The following ASB15 variants were observed in gnomAD, a reference collection of about 807,000 sequenced individuals.
The protein encoded by ASB15 is ankyrin repeat and SOCS box protein 15.
In ASB15, 54 loss-of-function variants were observed where a neutral mutation model predicts 58.0. That is an observed-to-expected ratio of 0.93 (90% CI 0.75 to 1.17). The LOEUF (loss-of-function observed/expected upper bound fraction) is 1.17. Among genes scored for constraint, ASB15 ranks in the 50% most tolerant of loss-of-function variants. The pLI, the probability that ASB15 is intolerant of heterozygous loss-of-function variation, is 0.00. For synonymous variants in ASB15, 249 were observed against 262.4 expected (o/e 0.95, Z 0.50); for missense variants, 680 against 707.4 (o/e 0.96, Z 0.44).
Position 123,637,340 on chromosome 7 carries a change from C to G in ASB15, c.*359C>G, listed in dbSNP as rs1385843153. ...GCCAGATTCTCCTGTCTTTCACGGT[C>G]TTGCTGTGTAAAAGAGCTCCTCCTG... is the stretch of plus-strand genomic sequence containing the variant. On this transcript the variant is annotated 3_prime_UTR_variant, in exon 12 of 12. Transcript: ENST00000451215. The G allele has an allele frequency of 6.1e-6, 1 of 164,532 alleles. No homozygotes were observed. The highest frequency in any genetic ancestry group is 2.4e-5 in the African/African-American group (1 of 41,574). 10.2% of individuals were successfully genotyped at this position (164,532 alleles called of 1,614,324 possible). A position where few individuals can be genotyped will look rare whatever the true frequency, so the allele number is the denominator to read the frequency against.
chr7:123,637,033 A>T lies in ASB15; in HGVS notation c.*52A>T. 1 of 1,276,944 alleles carries T rather than the reference A, an allele frequency of 7.8e-7. No individual in the cohort carries two copies. The highest frequency in any genetic ancestry group is 1.1e-6 in the Non-Finnish European group (1 of 915,076). The allele number at this position is 1,276,944 out of a possible 1,614,324, so 79.1% of individuals were successfully genotyped here. A position where few individuals can be genotyped will look rare whatever the true frequency, so the allele number is the denominator to read the frequency against. On this transcript the variant is annotated 3_prime_UTR_variant, in exon 12 of 12. Transcript: ENST00000451215. Reference sequence around the variant, plus strand: ...AAAAATGTTGAAATGTGATTCCCTCAGATAATTTCTTGTAACCATTTTACA... The same window carrying T: ...AAAAATGTTGAAATGTGATTCCCTCTGATAATTTCTTGTAACCATTTTACA...
chr7:123,638,766 C>T lies in ASB15; in HGVS notation c.*1785C>T, dbSNP rs138140771. On this transcript the variant is annotated 3_prime_UTR_variant, in exon 12 of 12. Transcript: ENST00000451215. ...TTTCACCTGATCAACTCCCACTTACCCTATAGGTCTCAGCTGAGATGTTGC... is the reference window on the plus strand; with the variant it reads ...TTTCACCTGATCAACTCCCACTTACTCTATAGGTCTCAGCTGAGATGTTGC... 5.6e-4 allele frequency: 85 copies of T among 152,248 alleles called. No individual in the cohort carries two copies. Among genetic ancestry groups the T allele is most frequent in the African/African-American group, 1.8e-3 (75 of 41,540 alleles). The allele number at this position is 152,248 out of a possible 1,614,324, so 9.4% of individuals were successfully genotyped here. A position where few individuals can be genotyped will look rare whatever the true frequency, so the allele number is the denominator to read the frequency against.
chr7:123,574,511 G>A (rs1321498944), intron 1 of ASB15, among the ~76,000 whole-genome samples: 5 of 152,116 alleles, frequency 3.3e-5, no homozygotes, highest in Non-Finnish European at 5.9e-5. Context: ...TAATGATAGT[G>A]GGCTGTGAAC....
At chr7:123,567,361 A>G (rs1798791322) in intron 1 of ASB15, among the ~76,000 whole-genome samples, 2 of 152,194 alleles carry the variant, frequency 1.3e-5, no homozygotes, top group Admixed American at 1.3e-4. Flanking sequence ...AGTTCTGTAA[A>G]TAAGGTTAGT....
intron 1 of ASB15, among the ~76,000 whole-genome samples, chr7:123,570,029 CTTTTTT>C (rs5887142): frequency 1.8e-4 from 16 of 88,172 alleles, no homozygotes; most frequent in African/African-American, 4.5e-4. Flanking sequence ...ACTGCCATAG[CTTTTTT>C]TTTTTTTTTT....
chr7:123,633,737 A>T (rs974010669), intron 11 of ASB15, among the ~76,000 whole-genome samples: 1 of 152,192 alleles, frequency 6.6e-6, no homozygotes, highest in Admixed American at 6.5e-5. Context: ...TGGAAATGCC[A>T]TTTCCTAACA....
At chr7:123,590,643 T>C (rs1158872162) in intron 1 of ASB15, among the ~76,000 whole-genome samples, 1 of 152,148 alleles carries the variant, frequency 6.6e-6, no homozygotes, top group Non-Finnish European at 1.5e-5. Context: ...ATGTGTGGTG[T>C]TATTTCTGAG....
chr7:123,622,610 G>A (rs1388462343), intron 7 of ASB15: 1 of 152,092 alleles, frequency 6.6e-6, no homozygotes, highest in Non-Finnish European at 1.5e-5. Context: ...TGTTTTCTGA[G>A]TCAGACAAAA....
At chr7:123,584,040 T>C (rs1390122069) in intron 1 of ASB15, among the ~76,000 whole-genome samples, 1 of 151,968 alleles carries the variant, frequency 6.6e-6, no homozygotes, top group Non-Finnish European at 1.5e-5. Context: ...TCTCTATTTT[T>C]ATATGTGCAT....
At chr7:123,587,463 T>A (rs545432690) in intron 1 of ASB15, among the ~76,000 whole-genome samples, 2 of 151,794 alleles carry the variant, frequency 1.3e-5, no homozygotes, top group South Asian at 2.1e-4. Context: ...TGAGGTTTTT[T>A]TTTTATACAT....
In ASB15 at chr7:123,636,956, A is replaced by T. The variant is rs1802461020; in HGVS notation, c.1742A>T (p.Tyr581Phe). 1.9e-6 allele frequency: 3 copies of T among 1,558,380 alleles called. No homozygotes were observed. ...ATATTATTTAAAGAGTATGATCTCT[A>T]TGGACAAGAGCTAAAATTGACATAA... ...RYILFKEYDL[Y>F]GQELKLT Residue 581 changes from tyrosine (Y) to phenylalanine (F), a missense_variant, in exon 12 of 12, where the codon TAT becomes TTT. Coordinates refer to ENST00000451215, the MANE Select transcript of ASB15 (RefSeq NM_001290258.2).
At chr7:123,613,490 T>C (rs1253639304) in intron 3 of ASB15, among the ~76,000 whole-genome samples, 3 of 152,110 alleles carry the variant, frequency 2.0e-5, no homozygotes, top group Non-Finnish European at 2.9e-5. Flanking sequence ...AAGAGTAAAA[T>C]AGTAAATTCA....
intron 9 of ASB15, among the ~76,000 whole-genome samples, chr7:123,627,880 A>T (rs1801896748): frequency 6.6e-6 from 1 of 152,232 alleles, no homozygotes; most frequent in Non-Finnish European, 1.5e-5. Context: ...TAGGCAATTA[A>T]ATATATTTCA....
intron 1 of ASB15, among the ~76,000 whole-genome samples, chr7:123,570,148 C>T (rs999319691): frequency 6.6e-6 from 1 of 151,022 alleles, no homozygotes; most frequent in Non-Finnish European, 1.5e-5. Context: ...CATTCTCCTG[C>T]CTCAGCCTCC....
intron 9 of ASB15, among the ~76,000 whole-genome samples, chr7:123,627,719 T>C (rs1236735816): frequency 6.6e-6 from 1 of 152,234 alleles, no homozygotes; most frequent in Non-Finnish European, 1.5e-5. Context: ...GTCAAATGTA[T>C]TGTTGAATAG....
intron 4 of ASB15, among the ~76,000 whole-genome samples, chr7:123,615,946 C>T (rs759171092): frequency 2.6e-5 from 4 of 152,064 alleles, no homozygotes; most frequent in Admixed American, 6.6e-5. Context: ...CAATTGTTTA[C>T]TCCTTTTTTA....
At chr7:123,624,976 C>CCCTT (rs1215834428) in intron 8 of ASB15, 162 bp downstream of exon 8, 2 of 798,692 alleles carry the variant, frequency 2.5e-6, no homozygotes, top group Admixed American at 5.7e-5. Flanking sequence ...CCTCAGTAGA[C>CCCTT]CCTTATTCTA....
intron 1 of ASB15, among the ~76,000 whole-genome samples, chr7:123,572,131 C>CTTTTTT (rs61198371): frequency 6.3e-5 from 3 of 47,994 alleles, no homozygotes; most frequent in African/African-American, 8.8e-5. Flanking sequence ...TGTAGAATTT[C>CTTTTTT]TTTTTTTTTT....
chr7:123,591,019 C>T (rs1466035942), intron 1 of ASB15, among the ~76,000 whole-genome samples: 3 of 152,044 alleles, frequency 2.0e-5, no homozygotes, highest in Non-Finnish European at 2.9e-5. Context: ...CTTCACGTCC[C>T]CTGTAAGGTG....
Sources: gnomAD v4.1 joint callset for allele counts (sites outside exome capture counted in the v4.1 genomes callset) on GRCh38, gnomAD v4.1.1 for gene constraint, MANE v1.5 for transcripts, NCBI Gene and HGNC (gene_info 2026-07-23, HGNC 2026-07-21) for gene names.